The following ADIPOR2 variants were observed in gnomAD, a reference collection of about 807,000 sequenced individuals.
ADIPOR2 encodes the protein adiponectin receptor protein 2.
In ADIPOR2, 18 loss-of-function variants were observed where a neutral mutation model predicts 40.9. That is an observed-to-expected ratio of 0.44 (90% CI 0.30 to 0.65). ADIPOR2 has a LOEUF of 0.65. ADIPOR2 is among the 30% of genes least tolerant of loss of function. The pLI is 0.09. For missense variants in ADIPOR2, 283 were observed against 479.2 expected, an observed-to-expected ratio of 0.59 and a Z score of 3.82; for synonymous variants, 165 against 166.4, an observed-to-expected ratio of 0.99 and a Z score of 0.06.
intron 1 of ADIPOR2, among the ~76,000 whole-genome samples, chr12:1,741,091 T>C (rs1193133278): frequency 6.6e-6 from 1 of 152,002 alleles, no homozygotes; most frequent in African/African-American, 2.4e-5. Context: ...TAAGTTGAGG[T>C]TGGAGAGGTT....
At position 1,777,770 on chromosome 12, in the gene ADIPOR2, G is replaced by A. The variant is rs890526731; in HGVS notation, c.292-84G>A. 2.3e-6 allele frequency: 3 copies of A among 1,292,284 alleles called. No homozygotes were observed. In the African/African-American group the frequency reaches 4.5e-5, roughly 19 times the overall value. 80.1% of individuals were successfully genotyped at this position (1,292,284 alleles called of 1,614,324 possible). On this transcript the variant is annotated intron_variant, in intron 3 of 7. Coordinates refer to ENST00000357103, the MANE Select transcript of ADIPOR2 (RefSeq NM_024551.3). ...ATTGTTTTTCCCATTATAAAACAGT[G>A]TGATAAGACACAGTTGTTAGGGGTC...
In ADIPOR2 at chr12:1,695,357, A is replaced by G. The variant is rs535628437; in HGVS notation, c.-87+4166A>G. Among the ~76,000 whole-genome samples, 489 of 150,886 alleles carry G rather than the reference A, an allele frequency of 3.2e-3. 1 individual carries two copies. The highest frequency in any genetic ancestry group is 5.4e-3 in the Non-Finnish European group (364 of 67,552). ...AACACAGCATGACTCTGTCTCTTAA[A>G]AAAAAAAAAAAGTGGGCTGAGGGTG... On this transcript the variant is annotated intron_variant, in intron 1 of 7. Coordinates refer to ENST00000357103, the MANE Select transcript of ADIPOR2 (RefSeq NM_024551.3).
At position 1,786,226 on chromosome 12, in the gene ADIPOR2, A is replaced by T; in HGVS notation, c.*154A>T. Reference sequence around the variant, plus strand: ...GCCCAGTGGCTCTGCGTGGTACATGACTGAGAAGAGAAAAACAAAAATAAA... The same window carrying T: ...GCCCAGTGGCTCTGCGTGGTACATGTCTGAGAAGAGAAAAACAAAAATAAA... On this transcript the variant is annotated 3_prime_UTR_variant, in exon 8 of 8. Coordinates refer to ENST00000357103, the MANE Select transcript of ADIPOR2 (RefSeq NM_024551.3). 1 of 946,210 alleles carries T rather than the reference A, an allele frequency of 1.1e-6. No individual in the cohort carries two copies. The highest frequency in any genetic ancestry group is 1.5e-6 in the Non-Finnish European group (1 of 657,112). The allele number at this position is 946,210 out of a possible 1,614,324, so 58.6% of individuals were successfully genotyped here. A position where few individuals can be genotyped will look rare whatever the true frequency, so the allele number is the denominator to read the frequency against.
At position 1,763,839 on chromosome 12, in the gene ADIPOR2, C is replaced by A. The variant is rs866345722; in HGVS notation, c.172-9003C>A. ...GCAAAGAATACAAAAATTATCCGGGCCTGGTGGCATGTACCTGTAGTCCCA... is the reference window on the plus strand; with the variant it reads ...GCAAAGAATACAAAAATTATCCGGGACTGGTGGCATGTACCTGTAGTCCCA... On this transcript the variant is annotated intron_variant, in intron 2 of 7. Transcript: ENST00000357103. Among the ~76,000 whole-genome samples, 5 of 152,044 alleles carry A rather than the reference C, an allele frequency of 3.3e-5. No homozygotes were observed. In the South Asian group the frequency reaches 8.3e-4, roughly 25 times the overall value.
intron 2 of ADIPOR2, chr12:1,757,672 G>A: frequency 2.3e-6 from 3 of 1,293,298 alleles, no homozygotes; most frequent in Non-Finnish European, 2.2e-6. Context: ...CTCCTCAGGT[G>A]TAATAGGATG....
intron 4 of ADIPOR2, among the ~76,000 whole-genome samples, chr12:1,779,611 A>T (rs1862673415): frequency 6.6e-6 from 1 of 152,130 alleles, no homozygotes; most frequent in African/African-American, 2.4e-5. Context: ...CAACCTTGTG[A>T]ATATACTAGT....
chr12:1,756,232 C>T (rs1379324821), intron 2 of ADIPOR2, among the ~76,000 whole-genome samples: 1 of 152,022 alleles, frequency 6.6e-6, no homozygotes, highest in East Asian at 1.9e-4. Flanking sequence ...CTCACTGCAA[C>T]CTCCGCCTCC....
At chr12:1,782,556 G>A (rs1321177093) in intron 6 of ADIPOR2, among the ~76,000 whole-genome samples, 2 of 151,970 alleles carry the variant, frequency 1.3e-5, no homozygotes, top group Admixed American at 1.3e-4. Context: ...TCCTGAACAC[G>A]TGTATCTATA....
At chr12:1,734,675 C>T (rs990221160) in intron 1 of ADIPOR2, among the ~76,000 whole-genome samples, 1 of 152,124 alleles carries the variant, frequency 6.6e-6, no homozygotes, top group African/African-American at 2.4e-5. Flanking sequence ...GAAGTCCTTG[C>T]CCATGCCTAT....
chr12:1,758,037 A>G, intron 2 of ADIPOR2: 1 of 710,840 alleles, frequency 1.4e-6, no homozygotes, highest in East Asian at 2.6e-5. Flanking sequence ...GGAAAGCAAA[A>G]TATATTTTTA....
chr12:1,692,877 T>A (rs1489428953), intron 1 of ADIPOR2, among the ~76,000 whole-genome samples: 5 of 152,168 alleles, frequency 3.3e-5, no homozygotes, highest in African/African-American at 1.2e-4. Context: ...TGATTAGGCC[T>A]GGTGCGATCG....
At chr12:1,777,216 T>C (rs1390389339) in intron 3 of ADIPOR2, among the ~76,000 whole-genome samples, 2 of 7,362 alleles carry the variant, frequency 2.7e-4, no homozygotes, top group East Asian at 0.17. Context: ...AAGTCTGTTA[T>C]ATAGGTAGGA....
In ADIPOR2 at chr12:1,783,917, T is replaced by C. The variant is rs1160996778; in HGVS notation, c.876T>C (p.Pro292=). The C allele has an allele frequency of 6.2e-7, 1 of 1,612,722 alleles. No individual in the cohort carries two copies. The highest frequency in any genetic ancestry group is 2.2e-5 in the East Asian group (1 of 44,854). The change falls in exon 7 of 8, where the codon CCT becomes CCC. Residue 292 remains proline, a synonymous_variant. Transcript: ENST00000357103. ...GCCTAGGCCTGAGTGGAATCATTCC[T>C]ACCTTGCACTATGTCATCTCGGAGG... The part of the protein sequence containing the change: ...FLGLGLSGII[P]TLHYVISEGF...
chr12:1,730,178 C>G (rs1471050298), intron 1 of ADIPOR2, among the ~76,000 whole-genome samples: 1 of 151,414 alleles, frequency 6.6e-6, no homozygotes, highest in Non-Finnish European at 1.5e-5. Flanking sequence ...TAGATATACC[C>G]CTTAGGACCT....
intron 2 of ADIPOR2, among the ~76,000 whole-genome samples, chr12:1,754,733 T>TACTACC (rs1312541630): frequency 1.4e-5 from 2 of 138,820 alleles, no homozygotes; most frequent in Admixed American, 1.6e-4. Flanking sequence ...CTACTACTAC[T>TACTACC]ACTACTACTA....
At chr12:1,744,501 A>G (rs888429593) in intron 1 of ADIPOR2, among the ~76,000 whole-genome samples, 1 of 151,862 alleles carries the variant, frequency 6.6e-6, no homozygotes, top group African/African-American at 2.4e-5. Context: ...ATGACCGGCT[A>G]ATTTTTGTAT....
chr12:1,717,785 G>A (rs1342272106), intron 1 of ADIPOR2, among the ~76,000 whole-genome samples: 1 of 151,978 alleles, frequency 6.6e-6, no homozygotes, highest in African/African-American at 2.4e-5. Context: ...TATTAGATTT[G>A]TGTGTTTGTA....
chr12:1,773,088 A>G (rs977005957), intron 3 of ADIPOR2, 127 bp downstream of exon 3: 27 of 1,213,196 alleles, frequency 2.2e-5, no homozygotes, highest in Non-Finnish European at 1.1e-5. Flanking sequence ...CAAGATGGGG[A>G]CAGAAGTGGT....
chr12:1,713,442 C>T lies in ADIPOR2; in HGVS notation c.-87+22251C>T, dbSNP rs148888230. Among the ~76,000 whole-genome samples, 892 of 152,148 alleles carry T rather than the reference C, an allele frequency of 5.9e-3. 7 individuals carry two copies. Among genetic ancestry groups the T allele is most frequent in the Middle Eastern group, 0.024 (7 of 294 alleles). On this transcript the variant is annotated intron_variant, in intron 1 of 7. Transcript: ENST00000357103. ...TAAATGTCTAACAATATCCTGTAAT[C>T]CTTTATGAGCTTCAGGCCTTAAGGG...
Sources: gnomAD v4.1 joint callset for allele counts (sites outside exome capture counted in the v4.1 genomes callset) on GRCh38, gnomAD v4.1.1 for gene constraint, MANE v1.5 for transcripts, NCBI Gene and HGNC (gene_info 2026-07-23, HGNC 2026-07-21) for gene names.